Variants in LIPH observed in about 807,000 individuals in gnomAD.
LIPH encodes lipase H, also known as lipase member H.
A neutral mutation model predicts 47.6 loss-of-function variants in LIPH; 32 were observed. That is an observed-to-expected ratio of 0.67 (90% CI 0.51 to 0.90). LIPH has a LOEUF of 0.90. LIPH is among the 40% of genes least tolerant of loss of function. The pLI, the probability that LIPH is intolerant of heterozygous loss-of-function variation, is 0.00. For missense variants in LIPH, 497 were observed against 541.4 expected (o/e 0.92, Z 0.81); for synonymous variants, 190 against 195.6 (o/e 0.97, Z 0.24).
chr3:185,550,329 C>T (rs950642355), intron 1 of LIPH, among the ~76,000 whole-genome samples: 4 of 152,120 alleles, frequency 2.6e-5, no homozygotes, highest in Admixed American at 2.6e-4. Flanking sequence ...TTGTGTGTCT[C>T]TGTCTGCTGA....
chr3:185,538,894 TATATAC>T (rs1720606413), intron 1 of LIPH, among the ~76,000 whole-genome samples: 7 of 59,246 alleles, frequency 1.2e-4, no homozygotes, highest in African/African-American at 3.1e-4. Flanking sequence ...CATATATACG[TATATAC>T]ACATATACAC....
chr3:185,532,576 G>A (rs146046239), intron 3 of LIPH, among the ~76,000 whole-genome samples: 2,806 of 151,574 alleles, frequency 0.019, 42 homozygotes, highest in Non-Finnish European at 0.028. Context: ...GATCACCTGA[G>A]GTCAGGAGTT....
intron 1 of LIPH, chr3:185,546,923 A>T (rs1176506575): frequency 4.4e-6 from 2 of 453,110 alleles, no homozygotes; most frequent in African/African-American, 4.0e-5. Context: ...CTGACTGGAG[A>T]AAACCCTCTT....
chr3:185,529,965 G>GAAAGAGA (rs1553823294), intron 3 of LIPH, among the ~76,000 whole-genome samples: 10 of 103,106 alleles, frequency 9.7e-5, no homozygotes, highest in African/African-American at 3.8e-4. Flanking sequence ...AAAGAAAGAA[G>GAAAGAGA]GAAAGAAAGA....
intron 3 of LIPH, among the ~76,000 whole-genome samples, chr3:185,529,958 GAAAGAAGGAAAGAA>G (rs1199619887): frequency 0.03 from 1,676 of 56,596 alleles, 44 homozygotes; most frequent in East Asian, 0.21. Context: ...AAGAAAGAAA[GAAAGAAGGAAAGAA>G]AGAAAGAGAG....
intron 3 of LIPH, among the ~76,000 whole-genome samples, chr3:185,528,117 G>T (rs1720168861): frequency 6.6e-6 from 1 of 151,436 alleles, no homozygotes. Context: ...CTAGCTACTC[G>T]GGAGGCTGAG....
intron 1 of LIPH, among the ~76,000 whole-genome samples, chr3:185,538,968 T>TATA (rs201915273): frequency 1.4e-5 from 2 of 147,468 alleles, no homozygotes; most frequent in Non-Finnish European, 3.0e-5. Context: ...CATATATATA[T>TATA]TTTTTTTTAT....
intron 1 of LIPH, among the ~76,000 whole-genome samples, chr3:185,543,440 A>C (rs955916340): frequency 6.6e-6 from 1 of 152,208 alleles, no homozygotes; most frequent in Admixed American, 6.5e-5. Context: ...ACAGAAAATT[A>C]TGTATTGATC....
chr3:185,511,593 G>C lies in LIPH; in HGVS notation c.1199C>G (p.Ser400Cys), dbSNP rs1719566816. The C allele has an allele frequency of 6.2e-7, 1 of 1,613,914 alleles. No individual in the cohort carries two copies. Among genetic ancestry groups the C allele is most frequent in the Non-Finnish European group, 8.5e-7 (1 of 1,179,828 alleles). Residue 400 changes from serine (S) to cysteine (C), a missense_variant, in exon 9 of 10, where the codon TCT (serine) becomes TGT (cysteine). Transcript: ENST00000296252. The part of the protein sequence containing the change: ...AAISLMFSTG[S>C]LIGPRYKLRI... ...GAGCTTGTACCTTGGGCCTATTAGA[G>C]ATCCTGTAGAGAACATCAAGGAAAT...
At chr3:185,547,552 G>A (rs1253460078) in intron 1 of LIPH, among the ~76,000 whole-genome samples, 3 of 152,110 alleles carry the variant, frequency 2.0e-5, no homozygotes, top group South Asian at 2.1e-4. Context: ...GGTGGCTCAC[G>A]CCTGTAATCC....
At chr3:185,520,389 C>T (rs993531472) in intron 5 of LIPH, among the ~76,000 whole-genome samples, 1 of 151,870 alleles carries the variant, frequency 6.6e-6, no homozygotes, top group African/African-American at 2.4e-5. Flanking sequence ...CATGGTGGCG[C>T]GCCTGTAATC....
In LIPH at chr3:185,549,453, C is replaced by T. The variant is rs969979016; in HGVS notation, c.49+2970G>A. On this transcript the variant is annotated intron_variant, in intron 1 of 9. Transcript: ENST00000296252. ...TCTGAGGAAATAATTCTGGTTTTGGCATTAAACAATTTTTTCTGGGAAAAT... is the reference window on the plus strand; with the variant it reads ...TCTGAGGAAATAATTCTGGTTTTGGTATTAAACAATTTTTTCTGGGAAAAT... Among the ~76,000 whole-genome samples, 4 of 152,180 alleles carry T rather than the reference C, an allele frequency of 2.6e-5. No homozygotes were observed. In the South Asian group the frequency reaches 6.2e-4, roughly 24 times the overall value.
At chr3:185,527,761 C>T (rs978914559) in intron 3 of LIPH, among the ~76,000 whole-genome samples, 176 bp from the exon 4 acceptor site, 1 of 145,774 alleles carries the variant, frequency 6.9e-6, no homozygotes, top group Non-Finnish European at 1.5e-5. Context: ...CAGCTTGTTC[C>T]CACAGTGGAG....
intron 3 of LIPH, among the ~76,000 whole-genome samples, chr3:185,528,222 A>G (rs75908376): frequency 2.1e-5 from 3 of 140,556 alleles, no homozygotes; most frequent in African/African-American, 8.0e-5. Context: ...CGAAGAAAGA[A>G]AGAGAGAGAG....
chr3:185,520,186 T>A (rs1719856951), intron 5 of LIPH, among the ~76,000 whole-genome samples: 1 of 152,018 alleles, frequency 6.6e-6, no homozygotes, highest in Non-Finnish European at 1.5e-5. Flanking sequence ...TTTCCCCAGG[T>A]CATGGAGAAT....
chr3:185,552,317 A>G (rs765226512), intron 1 of LIPH, 106 bp downstream of exon 1: 3 of 774,004 alleles, frequency 3.9e-6, no homozygotes, highest in South Asian at 1.5e-5. Context: ...AAACGACTCT[A>G]TGGACTTAAG....
At chr3:185,519,101 G>A (rs1438628041) in intron 6 of LIPH, 41 bp downstream of exon 6, 3 of 1,562,602 alleles carry the variant, frequency 1.9e-6, no homozygotes, top group Middle Eastern at 1.7e-4. Context: ...CCAAAAATTA[G>A]TTCTTTGTGA....
Position 185,535,822 on chromosome 3 carries a change from C to T in LIPH, c.50-690G>A, listed in dbSNP as rs141165364. The stretch of plus-strand genomic sequence containing the variant: ...TTCACCATGTTGGCCAGGCTGGTCT[C>T]GAACTCCTGACCTAGGGTGATCTGC... On this transcript the variant is annotated intron_variant, in intron 1 of 9. Coordinates refer to ENST00000296252, the MANE Select transcript of LIPH (RefSeq NM_139248.3). Among the ~76,000 whole-genome samples the T allele has an allele frequency of 0.014, 2,092 of 151,974 alleles. 131 individuals are homozygous for T. In the East Asian group the frequency reaches 0.18, roughly 13 times the overall value.
intron 7 of LIPH, among the ~76,000 whole-genome samples, chr3:185,516,696 G>A (rs186793460): frequency 6.6e-6 from 1 of 151,064 alleles, no homozygotes; most frequent in East Asian, 2.0e-4. Context: ...GTCTTTTGGG[G>A]AATCAAGCAA....
Sources: gnomAD v4.1 joint callset for allele counts (sites outside exome capture counted in the v4.1 genomes callset) on GRCh38, gnomAD v4.1.1 for gene constraint, MANE v1.5 for transcripts, NCBI Gene and HGNC (gene_info 2026-07-23, HGNC 2026-07-21) for gene names.